SFMBT2: variants seen among roughly 807,000 people sequenced by gnomAD.
SFMBT2 encodes Scm like with four mbt domains 2.
Under a neutral mutation model 110.1 loss-of-function variants are expected in SFMBT2, and 38 were observed. The observed-to-expected ratio is 0.35, with a 90% CI of 0.27 to 0.45. The LOEUF (loss-of-function observed/expected upper bound fraction) is 0.45. SFMBT2 is among the 20% of genes least tolerant of loss of function. The pLI, the probability that SFMBT2 is intolerant of heterozygous loss-of-function variation, is 1.00. For missense variants in SFMBT2, 1,011 were observed against 1,094.9 expected, an observed-to-expected ratio of 0.92 and a Z score of 1.08; for synonymous variants, 425 against 425.4, an observed-to-expected ratio of 1.00 and a Z score of 0.01.
intron 2 of SFMBT2, among the ~76,000 whole-genome samples, chr10:7,378,419 ATGGGTGTGAGTG>A (rs1845323432): frequency 1.3e-5 from 1 of 75,840 alleles, no homozygotes; most frequent in African/African-American, 6.4e-5. Flanking sequence ...GGGTGGATGG[ATGGGTGTGAGTG>A]TGGGTGTGTG....
chr10:7,348,329 C>A, intron 4 of SFMBT2: 1 of 1,526,012 alleles, frequency 6.6e-7, no homozygotes, highest in Non-Finnish European at 8.8e-7. Flanking sequence ...TGACATCACT[C>A]TCTACTACAA....
intron 4 of SFMBT2, among the ~76,000 whole-genome samples, chr10:7,305,917 G>GC (rs1184962523): frequency 6.6e-6 from 1 of 152,238 alleles, no homozygotes; most frequent in Non-Finnish European, 1.5e-5. Context: ...TCTATGGGTT[G>GC]CCCCAATTAC....
intron 17 of SFMBT2, among the ~76,000 whole-genome samples, chr10:7,173,809 A>C (rs1837962961): frequency 6.6e-6 from 1 of 152,192 alleles, no homozygotes; most frequent in Non-Finnish European, 1.5e-5. Flanking sequence ...GGGCCAAAGC[A>C]AAATGGCAAA....
chr10:7,380,317 A>C (rs977112508), intron 2 of SFMBT2, among the ~76,000 whole-genome samples: 2 of 152,210 alleles, frequency 1.3e-5, no homozygotes, highest in Non-Finnish European at 2.9e-5. Flanking sequence ...AATCTGAAAG[A>C]GGGACAAATG....
In SFMBT2 at chr10:7,348,299, T is replaced by C. The variant is rs997886829; in HGVS notation, c.436+19350A>G. 5.9e-6 allele frequency: 9 copies of C among 1,530,736 alleles called. No individual in the cohort carries two copies. The African/African-American group carries it at 6.9e-5, about 12-fold the overall frequency. 94.8% of individuals were successfully genotyped at this position (1,530,736 alleles called of 1,614,324 possible). ...GAGACATCCTTTTCTAAGAAATATG[T>C]TGAACAGAAGCTGATGGCTTGACAT... is the stretch of plus-strand genomic sequence containing the variant. On this transcript the variant is annotated intron_variant, in intron 4 of 20. Coordinates refer to ENST00000397167, the MANE Select transcript of SFMBT2 (RefSeq NM_001387889.1).
rs908264934 is a variant in SFMBT2 at position 7,408,281 on chromosome 10, G to C, written c.-52+2580C>G. On this transcript the variant is annotated intron_variant, in intron 1 of 20. Coordinates refer to ENST00000397167, the MANE Select transcript of SFMBT2 (RefSeq NM_001387889.1). The surrounding 1 kb of genome is among the most constrained non-coding windows in gnomAD (Gnocchi z 5.7). The stretch of plus-strand genomic sequence containing the variant: ...GAGGAGCCACGGACGCGTCCTGGCC[G>C]GCGTGTCGCCATCGTTCAGCCTCGC... Among the ~76,000 whole-genome samples, 3 of 151,380 alleles carry C rather than the reference G, an allele frequency of 2.0e-5. No homozygotes were observed. Among genetic ancestry groups the C allele is most frequent in the Non-Finnish European group, 4.4e-5 (3 of 67,860 alleles).
chr10:7,249,655 GAGGAC>G, intron 7 of SFMBT2: 7 of 596,978 alleles, frequency 1.2e-5, no homozygotes, highest in Non-Finnish European at 1.5e-5. Flanking sequence ...ATCCAACTCT[GAGGAC>G]TGCACAGAGC....
chr10:7,242,687 A>G (rs1381762679), intron 9 of SFMBT2, among the ~76,000 whole-genome samples: 1 of 152,230 alleles, frequency 6.6e-6, no homozygotes, highest in African/African-American at 2.4e-5. Flanking sequence ...AGTAAAGGTA[A>G]GCAGGCAGGC....
At chr10:7,378,238 T>G (rs1173610892) in intron 2 of SFMBT2, among the ~76,000 whole-genome samples, 1 of 13,400 alleles carries the variant, frequency 7.5e-5, no homozygotes, top group Non-Finnish European at 1.1e-4. Context: ...TGAGTGTGGG[T>G]GTGTGTGGGT....
chr10:7,370,593 T>A (rs1432550756), intron 2 of SFMBT2, among the ~76,000 whole-genome samples: 1 of 152,198 alleles, frequency 6.6e-6, no homozygotes, highest in African/African-American at 2.4e-5. Context: ...ACTGCACTGA[T>A]GAAATCAAGA....
chr10:7,378,064 T>C (rs543312277), intron 2 of SFMBT2, among the ~76,000 whole-genome samples: 1 of 148,584 alleles, frequency 6.7e-6, no homozygotes, highest in South Asian at 2.2e-4. Context: ...GATGTGAGTG[T>C]GTGTGTGCAT....
intron 4 of SFMBT2, among the ~76,000 whole-genome samples, chr10:7,344,080 G>A (rs1844022200): frequency 6.6e-6 from 1 of 152,186 alleles, no homozygotes; most frequent in African/African-American, 2.4e-5. Flanking sequence ...GCTTTTTCGT[G>A]CCTTCCTGGT....
chr10:7,275,531 A>G (rs574584572), intron 7 of SFMBT2, among the ~76,000 whole-genome samples: 4,853 of 152,168 alleles, frequency 0.032, 251 homozygotes, highest in African/African-American at 0.11. Context: ...AGAAGAGAGA[A>G]AGATTTGGTC....
chr10:7,215,228 C>T (rs1192231024), intron 11 of SFMBT2, among the ~76,000 whole-genome samples: 3 of 152,152 alleles, frequency 2.0e-5, no homozygotes, highest in East Asian at 1.9e-4. Flanking sequence ...TAGTGGGACC[C>T]GCATCTCTAC....
intron 2 of SFMBT2, among the ~76,000 whole-genome samples, chr10:7,374,155 AG>A (rs1354450165): frequency 6.6e-6 from 1 of 152,146 alleles, no homozygotes; most frequent in Non-Finnish European, 1.5e-5. Flanking sequence ...TCAGTTACTC[AG>A]GAGGCTGGGG....
At chr10:7,356,091 T>C (rs1844501145) in intron 4 of SFMBT2, among the ~76,000 whole-genome samples, 1 of 152,204 alleles carries the variant, frequency 6.6e-6, no homozygotes, top group Non-Finnish European at 1.5e-5. Context: ...AATTTCTCCA[T>C]TTGAGCCTGA....
intron 9 of SFMBT2, among the ~76,000 whole-genome samples, chr10:7,228,730 TCTTTCCTTTCTCTCTCTCTCTCTC>T (rs1228597483): frequency 8.2e-5 from 7 of 85,452 alleles, no homozygotes; most frequent in Non-Finnish European, 1.3e-4. Context: ...TTTCTTTCTT[TCTTTCCTTTCTCTCTCTCTCTCTC>T]TCTCTCTCTC....
At chr10:7,278,868 A>C (rs2131829852) in intron 6 of SFMBT2, among the ~76,000 whole-genome samples, 1 of 152,234 alleles carries the variant, frequency 6.6e-6, no homozygotes, top group Admixed American at 6.5e-5. Context: ...ACTTGAGGTC[A>C]GGAGTTCAAG....
chr10:7,275,121 C>T (rs970703981), intron 7 of SFMBT2, among the ~76,000 whole-genome samples: 2 of 152,204 alleles, frequency 1.3e-5, no homozygotes, highest in African/African-American at 4.8e-5. Context: ...CCCCGGGTGC[C>T]CTGGTCCCGC....
Sources: gnomAD v4.1 joint callset for allele counts (sites outside exome capture counted in the v4.1 genomes callset) on GRCh38, gnomAD v4.1.1 for gene constraint, Gnocchi (gnomAD v3.1) non-coding constraint, MANE v1.5 for transcripts, NCBI Gene and HGNC (gene_info 2026-07-23, HGNC 2026-07-21) for gene names.